ZNF493: variants seen among roughly 807,000 people sequenced by gnomAD.
The protein encoded by ZNF493 is zinc finger protein 493.
ZNF493 carries 11 observed loss-of-function variants against 12.2 expected under a neutral mutation model. That is an observed-to-expected ratio of 0.90 (90% CI 0.57 to 1.50). The LOEUF (loss-of-function observed/expected upper bound fraction) is 1.50, where lower values mean the gene tolerates loss of function less well. ZNF493 is among the 40% of genes most tolerant of loss of function. ZNF493 has a pLI of 0.00. For missense variants in ZNF493, 950 were observed against 906.6 expected (o/e 1.05, Z -0.61); for synonymous variants, 286 against 302.6 (o/e 0.95, Z 0.57).
At position 21,405,147 on chromosome 19, in the gene ZNF493, G is replaced by C. The variant is rs1199613656; in HGVS notation, c.49G>C (p.Asp17His). The change falls in exon 2 of 4, where the codon GAT becomes CAT. Residue 17 changes from aspartate (D) to histidine (H), a missense_variant. By Grantham distance (81) the Asp-to-His change is moderately conservative. Coordinates refer to ENST00000392288, the MANE Select transcript of ZNF493 (RefSeq NM_001076678.3). ...GTTTCAGGGGCCGTTGACATTTAGG[G>C]ATGTGGCCATAGAATTCTCTCTGGA... Reference protein sequence around the residue: ...SLDMGPLTFRDVAIEFSLEEW... With the variant: ...SLDMGPLTFRHVAIEFSLEEW... 1.2e-6 allele frequency: 2 copies of C among 1,613,882 alleles called. No individual in the cohort carries two copies. The highest frequency in any genetic ancestry group is 1.7e-6 in the Non-Finnish European group (2 of 1,179,938).
chr19:21,419,853 C>A (rs568688419), intron 3 of ZNF493, among the ~76,000 whole-genome samples: 9 of 152,268 alleles, frequency 5.9e-5, no homozygotes, highest in African/African-American at 1.9e-4. Context: ...TATTCTGGGT[C>A]TCCTAGGGTG....
Position 21,424,349 on chromosome 19 carries a change from A to G in ZNF493, c.1690A>G (p.Lys564Glu). The change falls in exon 4 of 4, where the codon AAG becomes GAG. Residue 564 changes from lysine to glutamate, a missense_variant. Physicochemically the swap from Lys to Glu is moderately conservative, Grantham distance 56 (BLOSUM62 1). Transcript: ENST00000392288. ...FNRSSHLTTH[K>E]RIHTGHKPYK... ...TCGGTCCTCACACCTTACTACACATAAGAGAATTCATACTGGACACAAACC... is the reference window on the plus strand; with the variant it reads ...TCGGTCCTCACACCTTACTACACATGAGAGAATTCATACTGGACACAAACC... 6.2e-7 allele frequency: 1 copy of G among 1,613,640 alleles called. No individual in the cohort carries two copies. Among genetic ancestry groups the G allele is most frequent in the Non-Finnish European group, 8.5e-7 (1 of 1,179,750 alleles).
chr19:21,417,078 A>G (rs2173728), intron 3 of ZNF493, among the ~76,000 whole-genome samples: 102,545 of 152,036 alleles, frequency 0.67, 35,042 homozygotes, highest in Middle Eastern at 0.76. Context: ...GGCCTGAGAC[A>G]GGCCCCTCAT....
chr19:21,408,556 G>A (rs12975981), intron 3 of ZNF493: 236,940 of 983,942 alleles, frequency 0.24, 28,933 homozygotes, highest in Non-Finnish European at 0.25. Context: ...TACAGTTACA[G>A]TCAAATACTG....
In ZNF493 at chr19:21,408,453, A is replaced by C. The variant is rs576803735; in HGVS notation, c.253+2597A>C. Reference sequence around the variant, plus strand: ...CACTTGTTTCTTTTAAATGCTTATTAAAAGTTTCTCATCAGAATATTTTAT... The same window carrying C: ...CACTTGTTTCTTTTAAATGCTTATTCAAAGTTTCTCATCAGAATATTTTAT... On this transcript the variant is annotated intron_variant, in intron 3 of 3. Transcript: ENST00000392288. 30 of 984,916 alleles carry C rather than the reference A, an allele frequency of 3.0e-5. No individual in the cohort carries two copies. In the South Asian group the frequency reaches 1.4e-3, roughly 45 times the overall value. 61.0% of individuals were successfully genotyped at this position (984,916 alleles called of 1,614,324 possible).
At chr19:21,416,529 A>G (rs924271324) in intron 3 of ZNF493, among the ~76,000 whole-genome samples, 11 of 152,308 alleles carry the variant, frequency 7.2e-5, no homozygotes, top group South Asian at 4.1e-4. Context: ...CGGATGGCCA[A>G]TGCTGTAGAG....
At chr19:21,415,751 A>G (rs1345231468) in intron 3 of ZNF493, among the ~76,000 whole-genome samples, 1 of 152,198 alleles carries the variant, frequency 6.6e-6, no homozygotes, top group Non-Finnish European at 1.5e-5. Flanking sequence ...AACGCTTAGC[A>G]GGCTGCTAAG....
rs34261023 is a variant in ZNF493 at position 21,426,842 on chromosome 19, G to C, written c.*1858G>C. On this transcript the variant is annotated 3_prime_UTR_variant, in exon 4 of 4. Coordinates refer to ENST00000392288, the MANE Select transcript of ZNF493 (RefSeq NM_001076678.3). ...ACTTCGAATATTCTACTAAATGAGA[G>C]TTCTGAGTATAGAAAATAAAACTAA... is the stretch of plus-strand genomic sequence containing the variant. 6.4e-3 allele frequency: 1,072 copies of C among 167,088 alleles called. 9 individuals are homozygous for C. Among genetic ancestry groups the C allele is most frequent in the South Asian group, 0.018 (88 of 4,816 alleles). 10.4% of individuals were successfully genotyped at this position (167,088 alleles called of 1,614,324 possible). A position where few individuals can be genotyped will look rare whatever the true frequency, so the allele number is the denominator to read the frequency against.
intron 3 of ZNF493, chr19:21,413,602 T>G (rs2030394814): frequency 4.9e-6 from 2 of 407,294 alleles, no homozygotes; most frequent in Non-Finnish European, 8.6e-6. Flanking sequence ...GTCCTCGGGA[T>G]CCTCCCAGAA....
chr19:21,424,666 C>A lies in ZNF493; in HGVS notation c.2007C>A (p.Phe669Leu), dbSNP rs768280477. The change falls in exon 4 of 4, where the codon TTC becomes TTA. Residue 669 changes from phenylalanine (F) to leucine (L), a missense_variant. Transcript: ENST00000392288. Reference protein sequence around the residue: ...CEECGKAFSIFSTLTKHKIIH... With the variant: ...CEECGKAFSILSTLTKHKIIH... Reference sequence around the variant, plus strand: ...AATGTGGCAAAGCCTTTAGTATATTCTCAACCCTTACTAAACATAAGATAA... The same window carrying A: ...AATGTGGCAAAGCCTTTAGTATATTATCAACCCTTACTAAACATAAGATAA... 2 of 1,613,326 alleles carry A rather than the reference C, an allele frequency of 1.2e-6. No homozygotes were observed. The highest frequency in any genetic ancestry group is 3.3e-5 in the Admixed American group (2 of 59,948).
At chr19:21,405,625 A>T (rs935927812) in intron 2 of ZNF493, 136 bp from the exon 3 acceptor site, 1 of 1,079,894 alleles carries the variant, frequency 9.3e-7, no homozygotes, top group African/African-American at 1.7e-5. Flanking sequence ...AAATGTTAAG[A>T]ACTTTCTGTC....
At chr19:21,421,362 TTTTTA>T (rs982500371) in intron 3 of ZNF493, among the ~76,000 whole-genome samples, 63 of 152,242 alleles carry the variant, frequency 4.1e-4, no homozygotes, top group African/African-American at 1.3e-3. Flanking sequence ...CTTCCTCAAA[TTTTTA>T]TTTTATTTTA....
rs564612609 is a variant in ZNF493 at position 21,426,773 on chromosome 19, A to G, written c.*1789A>G. The G allele has an allele frequency of 1.3e-4, 21 of 167,168 alleles. No homozygotes were observed. In the South Asian group the frequency reaches 1.4e-3, roughly 12 times the overall value. The allele number at this position is 167,168 out of a possible 1,614,324, so 10.4% of individuals were successfully genotyped here. A position where few individuals can be genotyped will look rare whatever the true frequency, so the allele number is the denominator to read the frequency against. Reference sequence around the variant, plus strand: ...AAAAAATTTTAATCCAAATTTGTCTATGTAAATACCAGAATTTATAGTAGA... The same window carrying G: ...AAAAAATTTTAATCCAAATTTGTCTGTGTAAATACCAGAATTTATAGTAGA... On this transcript the variant is annotated 3_prime_UTR_variant, in exon 4 of 4. Transcript: ENST00000392288.
rs755193827 is a variant in ZNF493 at position 21,422,946 on chromosome 19, C to A, written c.287C>A (p.Pro96Gln). ...TCTCATTTTGCTGAAGACTTTTGCC[C>A]AGGGCCAGGCATTAAAGATTCTTTT... ...ICSHFAEDFCPGPGIKDSFQK... is the reference protein window; with the variant it reads ...ICSHFAEDFCQGPGIKDSFQK... The change falls in exon 4 of 4, where the codon CCA (proline) becomes CAA (glutamine). Residue 96 changes from proline to glutamine, a missense_variant. Physicochemically the swap from Pro to Gln is moderately conservative, Grantham distance 76. Coordinates refer to ENST00000392288, the MANE Select transcript of ZNF493 (RefSeq NM_001076678.3). 2 of 1,571,612 alleles carry A rather than the reference C, an allele frequency of 1.3e-6. No individual in the cohort carries two copies. The highest frequency in any genetic ancestry group is 2.4e-5 in the South Asian group (2 of 83,094).
chr19:21,415,744 G>A (rs558089521), intron 3 of ZNF493, among the ~76,000 whole-genome samples: 1 of 152,092 alleles, frequency 6.6e-6, no homozygotes, highest in Non-Finnish European at 1.5e-5. Flanking sequence ...CAATGAAAAC[G>A]CTTAGCAGGC....
At chr19:21,397,377 C>A in intron 1 of ZNF493, 110 bp downstream of exon 1, 1 of 1,328,552 alleles carries the variant, frequency 7.5e-7, no homozygotes, top group Non-Finnish European at 1.1e-6. Context: ...CCACAATCTG[C>A]TCCCTGAGTT....
At chr19:21,406,580 ATTAG>A (rs1484973028) in intron 3 of ZNF493, among the ~76,000 whole-genome samples, 3 of 152,100 alleles carry the variant, frequency 2.0e-5, no homozygotes, top group African/African-American at 7.2e-5. Flanking sequence ...AAACTATTTT[ATTAG>A]TTCTTTTTTT....
Position 21,424,951 on chromosome 19 carries a change from T to C in ZNF493, c.2292T>C (p.Ile764=). 6.2e-7 allele frequency: 1 copy of C among 1,601,112 alleles called. No individual in the cohort carries two copies. Among genetic ancestry groups the C allele is most frequent in the Non-Finnish European group, 8.5e-7 (1 of 1,174,178 alleles). Residue 764 remains isoleucine, a synonymous_variant, in exon 4 of 4, where the codon ATT becomes ATC. Transcript: ENST00000392288. ...SHLSRHKIIH[I]GIHTEETVQK is the part of the protein sequence containing the mutation. ...TTAGTAGACATAAGATAATTCATAT[T>C]GGAATTCATACTGAAGAGACTGTAC...
chr19:21,422,914 T>C lies in ZNF493; in HGVS notation c.255T>C (p.Val85=). Residue 85 remains valine, a splice_region_variant and synonymous_variant, in exon 4 of 4, where the codon GTT becomes GTC. Coordinates refer to ENST00000392288, the MANE Select transcript of ZNF493 (RefSeq NM_001076678.3). ...KGHSTVVKPP[V]ICSHFAEDFC... ...ATTTGATATTTTTATTTCTTTCAGT[T>C]ATATGTTCTCATTTTGCTGAAGACT... 1 of 1,545,742 alleles carries C rather than the reference T, an allele frequency of 6.5e-7. No individual in the cohort carries two copies. The highest frequency in any genetic ancestry group is 8.7e-7 in the Non-Finnish European group (1 of 1,152,190).
Sources: gnomAD v4.1 joint callset for allele counts (sites outside exome capture counted in the v4.1 genomes callset) on GRCh38, gnomAD v4.1.1 for gene constraint, MANE v1.5 for transcripts, NCBI Gene and HGNC (gene_info 2026-07-23, HGNC 2026-07-21) for gene names.